Variants in TM7SF3 observed in about 807,000 individuals in gnomAD.
TM7SF3 encodes the protein seven span transmembrane protein.
TM7SF3 carries 60 observed loss-of-function variants against 65.5 expected under a neutral mutation model. The observed-to-expected ratio is 0.92, with a 90% CI of 0.74 to 1.14. The LOEUF is 1.14. Ranked by LOEUF, TM7SF3 falls within the 50% of genes most tolerant of loss-of-function variation. TM7SF3 has a pLI of 0.00. For synonymous variants in TM7SF3, 264 were observed against 259.6 expected, an observed-to-expected ratio of 1.02 and a Z score of -0.16; for missense variants, 623 against 684.8, an observed-to-expected ratio of 0.91 and a Z score of 1.01.
intron 3 of TM7SF3, among the ~76,000 whole-genome samples, chr12:26,997,115 G>T (rs948303918): frequency 6.6e-6 from 1 of 152,234 alleles, no homozygotes; most frequent in African/African-American, 2.4e-5. Flanking sequence ...GGCTTTGTCA[G>T]TCTGATGGTC....
Position 26,995,334 on chromosome 12 carries a change from T to C in TM7SF3, c.593A>G (p.Gln198Arg), listed in dbSNP as rs1363894576. 12 of 1,614,182 alleles carry C rather than the reference T, an allele frequency of 7.4e-6. No homozygotes were observed. Among genetic ancestry groups the C allele is most frequent in the Non-Finnish European group, 1.0e-5 (12 of 1,180,036 alleles). The stretch of plus-strand genomic sequence containing the variant: ...GAGGTCATTCTCAGGCAGAAAATAC[T>C]GATAGACATCATACTGCAACCTCCA... ...SRWRLQYDVY[Q>R]YFLPENDLTE... Residue 198 changes from glutamine to arginine, a missense_variant, in exon 5 of 12, where the codon CAG becomes CGG. By Grantham distance (43) the Gln-to-Arg change is conservative. Transcript: ENST00000343028.
intron 4 of TM7SF3, among the ~76,000 whole-genome samples, chr12:26,996,167 A>G (rs1027217244): frequency 6.6e-6 from 1 of 151,806 alleles, no homozygotes; most frequent in Admixed American, 6.6e-5. Context: ...AAAAAAAAAA[A>G]GAAGAAGAAT....
At chr12:26,987,353 C>T (rs962469123) in intron 6 of TM7SF3, among the ~76,000 whole-genome samples, 3 of 152,178 alleles carry the variant, frequency 2.0e-5, no homozygotes, top group African/African-American at 7.2e-5. Flanking sequence ...CCCACCTCAG[C>T]GAATGGTCGC....
intron 6 of TM7SF3, among the ~76,000 whole-genome samples, chr12:26,990,157 C>G (rs1188500809): frequency 1.3e-5 from 2 of 152,192 alleles, no homozygotes; most frequent in Admixed American, 6.5e-5. Flanking sequence ...TTTCCTCTTA[C>G]TGGCATGTGT....
At chr12:26,988,909 G>A (rs1592287167) in intron 6 of TM7SF3, among the ~76,000 whole-genome samples, 2 of 151,886 alleles carry the variant, frequency 1.3e-5, no homozygotes, top group Admixed American at 6.6e-5. Flanking sequence ...ATGTGAAGAC[G>A]ATGAAGATGA....
rs1221901599 is a variant in TM7SF3 at position 26,979,836 on chromosome 12, A to C, written c.1137T>G (p.Val379=). 1 of 1,614,184 alleles carries C rather than the reference A, an allele frequency of 6.2e-7. No homozygotes were observed. The highest frequency in any genetic ancestry group is 2.2e-5 in the East Asian group (1 of 44,884). Residue 379 remains valine (V), a synonymous_variant, in exon 9 of 12, where the codon GTT becomes GTG. Transcript: ENST00000343028. ...FGILSICMLC[V]GLVLGFLISS... is the part of the protein sequence containing the mutation. ...AGATGAGGAACCCCAGCACTAGTCC[A>C]ACACAGAGCATGCAGATCGAGAGGA...
chr12:27,007,740 T>A (rs1592317509), intron 1 of TM7SF3, among the ~76,000 whole-genome samples: 1 of 152,290 alleles, frequency 6.6e-6, no homozygotes, highest in East Asian at 1.9e-4. Flanking sequence ...CCCCTCCCAA[T>A]CACATCTTCT....
In TM7SF3 at chr12:26,995,230, G is replaced by A. The variant is rs927627982; in HGVS notation, c.690+7C>T. On this transcript the variant is annotated splice_region_variant and intron_variant, in intron 5 of 11. Coordinates refer to ENST00000343028, the MANE Select transcript of TM7SF3 (RefSeq NM_016551.3). Reference sequence around the variant, plus strand: ...CCAGCCACACAAATCATGGGACTCAGATTTACCTTGAGAGCACTGGCCTTC... The same window carrying A: ...CCAGCCACACAAATCATGGGACTCAAATTTACCTTGAGAGCACTGGCCTTC... 5.6e-6 allele frequency: 9 copies of A among 1,611,122 alleles called. No homozygotes were observed. The highest frequency in any genetic ancestry group is 7.6e-6 in the Non-Finnish European group (9 of 1,178,296).
At chr12:27,000,365 G>T (rs1287421725) in intron 2 of TM7SF3, among the ~76,000 whole-genome samples, 1 of 152,088 alleles carries the variant, frequency 6.6e-6, no homozygotes. Flanking sequence ...AGACCACTAG[G>T]ACAAAAACAT....
intron 1 of TM7SF3, among the ~76,000 whole-genome samples, chr12:27,011,445 C>T (rs557177541): frequency 6.6e-6 from 1 of 152,282 alleles, no homozygotes; most frequent in East Asian, 1.9e-4. Context: ...ACAGAAAGCA[C>T]CCTCCTCAGA....
intron 9 of TM7SF3, chr12:26,978,464 T>G (rs1018874799): frequency 3.9e-5 from 6 of 152,362 alleles, no homozygotes; most frequent in African/African-American, 1.4e-4. Flanking sequence ...TTTATGCTCA[T>G]TCTCCTCATG....
chr12:27,006,043 G>A (rs866300282), intron 1 of TM7SF3, among the ~76,000 whole-genome samples: 1 of 150,840 alleles, frequency 6.6e-6, no homozygotes, highest in African/African-American at 2.4e-5. Flanking sequence ...CAAGCGATCC[G>A]CCCATCTCAG....
intron 4 of TM7SF3, among the ~76,000 whole-genome samples, chr12:26,996,461 A>T (rs1012244961): frequency 1.3e-5 from 2 of 152,260 alleles, no homozygotes; most frequent in African/African-American, 2.4e-5. Context: ...TGCTATCTAT[A>T]TTTAAAGTGC....
rs895131226 is a variant in TM7SF3, at chr12:26,992,980, G to A, written c.690+2257C>T. On this transcript the variant is annotated intron_variant, in intron 5 of 11. Transcript: ENST00000343028. ...GCTACAGTGCAGTGGCGTGATCTCA[G>A]CTTACTGCAACTTCTCCCAGGCTCA... Among the ~76,000 whole-genome samples the A allele has an allele frequency of 1.1e-4, 16 of 143,074 alleles. No homozygotes were observed. The South Asian group carries it at 2.7e-3, about 24-fold the overall frequency. 93.9% of individuals were successfully genotyped at this position (143,074 alleles called of 152,430 possible). A position where few individuals can be genotyped will look rare whatever the true frequency, so the allele number is the denominator to read the frequency against.
In TM7SF3 at chr12:26,995,339, G is replaced by A; in HGVS notation, c.588C>T (p.Val196=). 6.2e-7 allele frequency: 1 copy of A among 1,614,146 alleles called. No individual in the cohort carries two copies. Among genetic ancestry groups the A allele is most frequent in the Non-Finnish European group, 8.5e-7 (1 of 1,180,026 alleles). The part of the protein sequence containing the change: ...QDSRWRLQYD[V]YQYFLPENDL... ...CATTCTCAGGCAGAAAATACTGATA[G>A]ACATCATACTGCAACCTCCACCTGG... Residue 196 remains valine (V), a synonymous_variant, in exon 5 of 12, where the codon GTC becomes GTT. Coordinates refer to ENST00000343028, the MANE Select transcript of TM7SF3 (RefSeq NM_016551.3).
intron 1 of TM7SF3, among the ~76,000 whole-genome samples, chr12:27,009,017 A>C (rs890330008): frequency 1.3e-5 from 2 of 152,236 alleles, no homozygotes; most frequent in Admixed American, 1.3e-4. Context: ...AAAATAATTT[A>C]AAAATACCAC....
At chr12:26,979,707 C>G in intron 9 of TM7SF3, 77 bp downstream of exon 9, 1 of 1,521,052 alleles carries the variant, frequency 6.6e-7, no homozygotes, top group South Asian at 1.2e-5. Flanking sequence ...TGCAACACCA[C>G]TCCAGGATGC....
At chr12:27,011,549 G>A (rs1941244349) in intron 1 of TM7SF3, among the ~76,000 whole-genome samples, 1 of 152,092 alleles carries the variant, frequency 6.6e-6, no homozygotes, top group Non-Finnish European at 1.5e-5. Flanking sequence ...GCCAAAGATG[G>A]GTAAATCCTC....
chr12:27,012,171 A>G (rs1419567184), intron 1 of TM7SF3, among the ~76,000 whole-genome samples: 1 of 152,216 alleles, frequency 6.6e-6, no homozygotes, highest in Non-Finnish European at 1.5e-5. Context: ...TGGAAGGACT[A>G]TGAAATTTGC....
Sources: gnomAD v4.1 joint callset for allele counts (sites outside exome capture counted in the v4.1 genomes callset) on GRCh38, gnomAD v4.1.1 for gene constraint, MANE v1.5 for transcripts, NCBI Gene and HGNC (gene_info 2026-07-23, HGNC 2026-07-21) for gene names.